The following UBA6 variants were observed in gnomAD, a reference collection of about 807,000 sequenced individuals.
The protein encoded by UBA6 is ubiquitin-like modifier-activating enzyme 6.
In UBA6, 87 loss-of-function variants were observed where a neutral mutation model predicts 148.3. The observed-to-expected ratio is 0.59, with a 90% CI of 0.49 to 0.70. The LOEUF (loss-of-function observed/expected upper bound fraction) is 0.70. UBA6 is among the 30% of genes least tolerant of loss of function. The probability of loss-of-function intolerance (pLI) is 0.00; values close to 1 mark genes in which losing one functional copy is unlikely to be tolerated. For missense variants in UBA6, 1,186 were observed against 1,241.2 expected (o/e 0.96, Z 0.67); for synonymous variants, 376 against 401.0 (o/e 0.94, Z 0.75).
chr4:67,696,562 G>T, intron 2 of UBA6, 83 bp downstream of exon 2: 1 of 1,069,442 alleles, frequency 9.4e-7, no homozygotes, highest in Non-Finnish European at 1.4e-6. Context: ...TGCATAGGCT[G>T]AATGGTATCT....
Position 67,617,538 on chromosome 4 carries a change from C to T in UBA6, c.*1459G>A, listed in dbSNP as rs938555770. On this transcript the variant is annotated 3_prime_UTR_variant, in exon 33 of 33. Transcript: ENST00000322244. ...CCTTTAGTCATACAAATTCACTCTC[C>T]ACTTCCACATACATTTTCCCCACTT... is the stretch of plus-strand genomic sequence containing the variant. 8.5e-5 allele frequency: 13 copies of T among 152,114 alleles called. No homozygotes were observed. Among genetic ancestry groups the T allele is most frequent in the African/African-American group, 2.9e-4 (12 of 41,456 alleles). 9.4% of individuals were successfully genotyped at this position (152,114 alleles called of 1,614,324 possible). A position where few individuals can be genotyped will look rare whatever the true frequency, so the allele number is the denominator to read the frequency against.
chr4:67,673,651 G>C (rs1435079996), intron 7 of UBA6, 46 bp downstream of exon 7: 3 of 1,352,798 alleles, frequency 2.2e-6, no homozygotes, highest in African/African-American at 1.4e-5. Context: ...TAGTGAAAGT[G>C]TTCTTCCTTG....
intron 7 of UBA6, among the ~76,000 whole-genome samples, chr4:67,671,445 T>G (rs1433260203): frequency 6.6e-6 from 1 of 152,040 alleles, no homozygotes; most frequent in East Asian, 1.9e-4. Flanking sequence ...ATAGCTTTTT[T>G]TTTTTTACAA....
chr4:67,666,556 A>G (rs1730001322), intron 9 of UBA6, among the ~76,000 whole-genome samples: 1 of 152,074 alleles, frequency 6.6e-6, no homozygotes, highest in Non-Finnish European at 1.5e-5. Context: ...ATAAGTATGT[A>G]TTATTTTAGC....
At chr4:67,697,470 G>C (rs761391428) in intron 1 of UBA6, among the ~76,000 whole-genome samples, 1 of 152,170 alleles carries the variant, frequency 6.6e-6, no homozygotes, top group Non-Finnish European at 1.5e-5. Flanking sequence ...CTGACCTCCA[G>C]ATTGTATACA....
chr4:67,700,935 T>C (rs1029630179), intron 1 of UBA6, 114 bp downstream of exon 1: 43 of 1,337,798 alleles, frequency 3.2e-5, no homozygotes, highest in Non-Finnish European at 4.3e-5. Context: ...GGGCCGGCTC[T>C]GCTCGGCCCC....
chr4:67,700,903 C>G (rs1176430562), intron 1 of UBA6, 146 bp downstream of exon 1: 1 of 919,392 alleles, frequency 1.1e-6, no homozygotes, highest in Non-Finnish European at 1.7e-6. Flanking sequence ...ACACCCACTC[C>G]GCGCGCGCCC....
chr4:67,674,415 G>A (rs184181504), intron 6 of UBA6, among the ~76,000 whole-genome samples: 1 of 152,272 alleles, frequency 6.6e-6, no homozygotes, highest in East Asian at 1.9e-4. Flanking sequence ...GGGACAAAGA[G>A]ACGTCTTAGC....
chr4:67,699,389 TATC>T (rs1469996527), intron 1 of UBA6, among the ~76,000 whole-genome samples: 12 of 152,210 alleles, frequency 7.9e-5, no homozygotes, highest in Non-Finnish European at 1.6e-4. Flanking sequence ...ATTAAAATGT[TATC>T]ATTTATCTCA....
At chr4:67,694,215 C>CAAAAAAAAAAAAAAAAAAAAAAA (rs769649769) in intron 2 of UBA6, among the ~76,000 whole-genome samples, 2 of 41,852 alleles carry the variant, frequency 4.8e-5, no homozygotes, top group Non-Finnish European at 8.1e-5. Context: ...GACTCCATCT[C>CAAAAAAAAAAAAAAAAAAAAAAA]AAAAAAAAAA....
intron 7 of UBA6, among the ~76,000 whole-genome samples, chr4:67,671,984 C>A (rs371824612): frequency 6.6e-6 from 1 of 152,050 alleles, no homozygotes; most frequent in East Asian, 1.9e-4. Flanking sequence ...GCCCCCACCC[C>A]ACCCCACCTT....
At chr4:67,628,995 T>C (rs1700149189) in intron 27 of UBA6, 76 bp downstream of exon 27, 1 of 993,254 alleles carries the variant, frequency 1.0e-6, no homozygotes, top group Admixed American at 1.7e-5. Flanking sequence ...TGTGATATTC[T>C]CCAGGTTTAG....
intron 31 of UBA6, 58 bp from the exon 32 acceptor site, chr4:67,622,983 T>C: frequency 6.9e-7 from 1 of 1,445,122 alleles, no homozygotes; most frequent in Non-Finnish European, 9.6e-7. Flanking sequence ...ATAAAATGCT[T>C]ATTTAACATT....
rs529200586 is a variant in UBA6, at chr4:67,627,360, G to C, written c.2401-883C>G. Among the ~76,000 whole-genome samples the C allele has an allele frequency of 2.9e-4, 44 of 152,022 alleles. No homozygotes were observed. In the South Asian group the frequency reaches 8.9e-3, roughly 31 times the overall value. On this transcript the variant is annotated intron_variant, in intron 27 of 32. Transcript: ENST00000322244. ...CAGCAGTACCATACCTGAAACTTCG[G>C]TGTGAGCTCCTTTAGGGAGTTGTGA...
chr4:67,693,799 A>G (rs766313421), intron 2 of UBA6, among the ~76,000 whole-genome samples: 13 of 152,126 alleles, frequency 8.5e-5, no homozygotes, highest in Non-Finnish European at 1.9e-4. Context: ...GATGAAATCT[A>G]TCTCCCTGAG....
intron 25 of UBA6, 99 bp from the exon 26 acceptor site, chr4:67,630,634 A>G: frequency 1.4e-6 from 1 of 728,200 alleles, no homozygotes; most frequent in Admixed American, 3.6e-5. Flanking sequence ...GTTTGAAGAA[A>G]TATAACCACA....
At chr4:67,650,669 AC>A (rs1178180094) in intron 13 of UBA6, among the ~76,000 whole-genome samples, 3 of 152,210 alleles carry the variant, frequency 2.0e-5, no homozygotes, top group African/African-American at 7.2e-5. Flanking sequence ...TCACATTGTT[AC>A]AATCTCGGAC....
rs573874891 is a variant in UBA6 at position 67,665,977 on chromosome 4, T to C, written c.794-685A>G. 4.6e-5 allele frequency among the ~76,000 whole-genome samples: 7 copies of C among 152,184 alleles called. No individual in the cohort carries two copies. The South Asian group carries it at 1.5e-3, about 32-fold the overall frequency. On this transcript the variant is annotated intron_variant, in intron 9 of 32. Transcript: ENST00000322244. The stretch of plus-strand genomic sequence containing the variant: ...TAAAAACATAAAAAAGAAAACCTCA[T>C]GACAAAAACCCATCATAAGCAACAT...
At chr4:67,651,449 T>C (rs1438441688) in intron 13 of UBA6, among the ~76,000 whole-genome samples, 2 of 152,096 alleles carry the variant, frequency 1.3e-5, no homozygotes, top group African/African-American at 2.4e-5. Flanking sequence ...ATTAAACACA[T>C]AGGGCCTTAA....
Sources: allele counts gnomAD v4.1 joint callset (sites outside exome capture counted in the v4.1 genomes callset), GRCh38; gene constraint gnomAD v4.1.1; transcripts MANE v1.5; gene names NCBI Gene and HGNC (gene_info 2026-07-23, HGNC 2026-07-21).